The following UNC5D variants were observed in gnomAD, a reference collection of about 807,000 sequenced individuals.
The protein encoded by UNC5D is netrin receptor UNC5D.
A neutral mutation model predicts 105.4 loss-of-function variants in UNC5D; 39 were observed. The ratio of observed to expected loss-of-function variants is 0.37; its 90% CI spans 0.29 to 0.48. The LOEUF (loss-of-function observed/expected upper bound fraction) is 0.48, where lower values mean the gene tolerates loss of function less well. UNC5D is among the 20% of genes least tolerant of loss of function. The pLI is 0.98. For synonymous variants in UNC5D, 452 were observed against 450.4 expected (o/e 1.00, Z -0.04); for missense variants, 991 against 1,202.4 (o/e 0.82, Z 2.60).
At chr8:35,245,353 C>T (rs919288791) in intron 1 of UNC5D, among the ~76,000 whole-genome samples, 3 of 151,888 alleles carry the variant, frequency 2.0e-5, no homozygotes, top group African/African-American at 7.3e-5. Context: ...GTGTTGTAAG[C>T]CTTTTGAAAG....
intron 1 of UNC5D, among the ~76,000 whole-genome samples, chr8:35,257,933 C>T (rs926743460): frequency 6.6e-5 from 10 of 152,224 alleles, no homozygotes; most frequent in African/African-American, 1.9e-4. Context: ...ATTTTCAATT[C>T]ATTCCAAAAC....
intron 4 of UNC5D, among the ~76,000 whole-genome samples, chr8:35,667,750 TC>T (rs1182846246): frequency 6.6e-6 from 1 of 152,192 alleles, no homozygotes; most frequent in Non-Finnish European, 1.5e-5. Context: ...CTCAAGAATG[TC>T]CCGTGGAGAT....
intron 2 of UNC5D, among the ~76,000 whole-genome samples, chr8:35,563,844 T>C (rs186083737): frequency 1.6e-4 from 25 of 152,276 alleles, no homozygotes; most frequent in Non-Finnish European, 2.4e-4. Context: ...ATTTGTCAAA[T>C]GCTTTTTCAG....
intron 1 of UNC5D, among the ~76,000 whole-genome samples, chr8:35,390,952 T>C (rs1803732467): frequency 6.6e-6 from 1 of 152,246 alleles, no homozygotes; most frequent in Non-Finnish European, 1.5e-5. Flanking sequence ...GTGGGCAATG[T>C]CCAAGTACTT....
chr8:35,577,720 A>T (rs1563553347), intron 3 of UNC5D, among the ~76,000 whole-genome samples: 1 of 152,214 alleles, frequency 6.6e-6, no homozygotes, highest in Non-Finnish European at 1.5e-5. Context: ...CTGGATATTT[A>T]TATAATCTGG....
intron 1 of UNC5D, among the ~76,000 whole-genome samples, chr8:35,279,961 A>G (rs972327273): frequency 1.3e-5 from 2 of 152,206 alleles, no homozygotes; most frequent in Admixed American, 1.3e-4. Flanking sequence ...AGGTCCAAGC[A>G]TATGAACATT....
At chr8:35,331,378 G>A (rs1317365837) in intron 1 of UNC5D, among the ~76,000 whole-genome samples, 1 of 152,084 alleles carries the variant, frequency 6.6e-6, no homozygotes, top group Non-Finnish European at 1.5e-5. Context: ...TGTGATACAG[G>A]TTTCTTTGCT....
intron 1 of UNC5D, among the ~76,000 whole-genome samples, chr8:35,544,039 C>G (rs756634281): frequency 2.6e-5 from 4 of 152,138 alleles, no homozygotes; most frequent in Non-Finnish European, 4.4e-5. Context: ...AAGTTCTGAG[C>G]CCACCACTTA....
intron 4 of UNC5D, among the ~76,000 whole-genome samples, chr8:35,635,542 G>C (rs1382490340): frequency 1.3e-5 from 2 of 152,090 alleles, no homozygotes. Flanking sequence ...TGGAAAACAT[G>C]ATAATGCTCC....
intron 4 of UNC5D, among the ~76,000 whole-genome samples, chr8:35,604,412 A>T (rs555714782): frequency 1.3e-5 from 2 of 152,180 alleles, no homozygotes; most frequent in African/African-American, 4.8e-5. Flanking sequence ...CGGAGAGATC[A>T]GCTGTTAGTC....
intron 1 of UNC5D, chr8:35,544,413 A>G (rs552723214): frequency 7.5e-7 from 1 of 1,334,926 alleles, no homozygotes; most frequent in Non-Finnish European, 1.0e-6. Flanking sequence ...GGGATTGTTT[A>G]AAAAAAAAAG....
chr8:35,721,378 C>T (rs1828574432), intron 8 of UNC5D: 1 of 702,156 alleles, frequency 1.4e-6, no homozygotes, highest in Admixed American at 2.0e-5. Context: ...TATAGCACAT[C>T]TTGCGGGGTG....
intron 1 of UNC5D, among the ~76,000 whole-genome samples, chr8:35,518,059 T>C (rs1392707556): frequency 1.3e-5 from 2 of 152,154 alleles, no homozygotes; most frequent in African/African-American, 4.8e-5. Flanking sequence ...ATAAACATTG[T>C]TGCAATGGAT....
intron 4 of UNC5D, among the ~76,000 whole-genome samples, chr8:35,615,742 C>A (rs560996680): frequency 1.3e-5 from 2 of 152,174 alleles, no homozygotes; most frequent in African/African-American, 4.8e-5. Flanking sequence ...ATAGGAAATG[C>A]ACAGTATACT....
chr8:35,259,002 G>C (rs1804265799), intron 1 of UNC5D, among the ~76,000 whole-genome samples: 2 of 152,142 alleles, frequency 1.3e-5, no homozygotes. Context: ...TCTTCCCCCT[G>C]GCTGTTTAGG....
intron 1 of UNC5D, among the ~76,000 whole-genome samples, chr8:35,317,775 A>G (rs1179481437): frequency 6.7e-6 from 1 of 150,302 alleles, no homozygotes; most frequent in Non-Finnish European, 1.5e-5. Flanking sequence ...TTATATAATT[A>G]TATAATTATC....
intron 7 of UNC5D, among the ~76,000 whole-genome samples, chr8:35,701,161 A>G (rs1222261623): frequency 1.3e-5 from 2 of 152,160 alleles, no homozygotes; most frequent in Admixed American, 6.6e-5. Context: ...TGCTGCTGGG[A>G]AGTGAGTTGC....
chr8:35,496,076 A>G (rs143466114), intron 1 of UNC5D, among the ~76,000 whole-genome samples: 2 of 152,320 alleles, frequency 1.3e-5, no homozygotes, highest in African/African-American at 2.4e-5. Context: ...TTTGAGAACA[A>G]TAACCAATAG....
intron 1 of UNC5D, among the ~76,000 whole-genome samples, chr8:35,357,155 T>A (rs1801602713): frequency 6.6e-6 from 1 of 152,124 alleles, no homozygotes; most frequent in South Asian, 2.1e-4. Context: ...CTCCCTCCTC[T>A]CTGCACTGCA....
Sources: gnomAD v4.1 joint callset for allele counts (sites outside exome capture counted in the v4.1 genomes callset) on GRCh38, gnomAD v4.1.1 for gene constraint, MANE v1.5 for transcripts, NCBI Gene and HGNC (gene_info 2026-07-23, HGNC 2026-07-21) for gene names.